TGFBR1: variants seen among roughly 807,000 people sequenced by gnomAD.
TGFBR1 encodes the protein transforming growth factor beta receptor 1, also known as TGF-beta receptor type-1.
In TGFBR1, 20 loss-of-function variants were observed where a neutral mutation model predicts 55.1. The observed-to-expected ratio is 0.36, with a 90% CI of 0.26 to 0.53. TGFBR1 has a LOEUF of 0.53. TGFBR1 is among the 20% of genes least tolerant of loss of function. The pLI is 0.91. For synonymous variants in TGFBR1, 220 were observed against 214.8 expected (o/e 1.02, Z -0.21); for missense variants, 385 against 617.6 (o/e 0.62, Z 3.99).
At chr9:99,122,409 G>A (rs1239228524) in intron 1 of TGFBR1, among the ~76,000 whole-genome samples, 1 of 152,016 alleles carries the variant, frequency 6.6e-6, no homozygotes. Flanking sequence ...GGTAGCCCTG[G>A]CATTAGATAG....
In TGFBR1 at chr9:99,138,094, G is replaced by A. The variant is rs1827498156; in HGVS notation, c.805+5G>A. On this transcript the variant is annotated splice_donor_5th_base_variant and intron_variant, in intron 4 of 8. Transcript: ENST00000374994. ...TTATAGCAGCAGACAATAAAGGTCT[G>A]TAACATTTGCTTTTCCTTATGTTAT... 6.2e-7 allele frequency: 1 copy of A among 1,611,686 alleles called. No homozygotes were observed.
intron 4 of TGFBR1, among the ~76,000 whole-genome samples, chr9:99,140,055 T>C (rs1298713669): frequency 6.6e-6 from 1 of 152,210 alleles, no homozygotes; most frequent in Admixed American, 6.5e-5. Context: ...TTGCATCATA[T>C]GTGGAGGTGT....
chr9:99,127,124 A>C (rs1275619236), intron 1 of TGFBR1, among the ~76,000 whole-genome samples: 1 of 152,176 alleles, frequency 6.6e-6, no homozygotes, highest in Non-Finnish European at 1.5e-5. Flanking sequence ...GCAAAACCAT[A>C]CAGTTAACAT....
chr9:99,134,425 T>C (rs1392685741), intron 3 of TGFBR1, among the ~76,000 whole-genome samples: 1 of 152,070 alleles, frequency 6.6e-6, no homozygotes, highest in Non-Finnish European at 1.5e-5. Flanking sequence ...GGTGTGATAG[T>C]CTTTAGGCAG....
chr9:99,149,138 A>G, intron 8 of TGFBR1, 42 bp from the exon 9 acceptor site: 1 of 1,551,008 alleles, frequency 6.4e-7, no homozygotes, highest in African/African-American at 1.4e-5. Context: ...ACCAATGGAA[A>G]ATGGTGCATG....
chr9:99,136,905 T>G (rs1203504199), intron 3 of TGFBR1, among the ~76,000 whole-genome samples: 1 of 152,134 alleles, frequency 6.6e-6, no homozygotes, highest in Non-Finnish European at 1.5e-5. Flanking sequence ...AGGAACATGA[T>G]GTACACTGGC....
At chr9:99,111,527 G>C (rs1395103932) in intron 1 of TGFBR1, among the ~76,000 whole-genome samples, 1 of 151,962 alleles carries the variant, frequency 6.6e-6, no homozygotes, top group African/African-American at 2.4e-5. Context: ...TGCTTGGGAG[G>C]CTGAGGCAGG....
chr9:99,130,430 A>G (rs1827187290), intron 2 of TGFBR1, among the ~76,000 whole-genome samples: 1 of 152,240 alleles, frequency 6.6e-6, no homozygotes, highest in Non-Finnish European at 1.5e-5. Context: ...GTTCAGCATG[A>G]TAATGCAGCT....
intron 3 of TGFBR1, among the ~76,000 whole-genome samples, chr9:99,136,956 A>T (rs1301556969): frequency 6.6e-6 from 1 of 152,174 alleles, no homozygotes; most frequent in East Asian, 1.9e-4. Context: ...AATGACACTT[A>T]CCGGATGGTG....
intron 2 of TGFBR1, among the ~76,000 whole-genome samples, chr9:99,131,729 G>A (rs1389295009): frequency 6.6e-6 from 1 of 152,136 alleles, no homozygotes; most frequent in Non-Finnish European, 1.5e-5. Context: ...AGCACTTTGG[G>A]AAGCCAAGGT....
rs11568811 is a variant in TGFBR1 at position 99,150,733 on chromosome 9, G to A, written c.*1428G>A. 9.4e-6 allele frequency: 2 copies of A among 213,444 alleles called. No individual in the cohort carries two copies. Among genetic ancestry groups the A allele is most frequent in the Non-Finnish European group, 1.9e-5 (2 of 105,334 alleles). 13.2% of individuals were successfully genotyped at this position (213,444 alleles called of 1,614,324 possible). On this transcript the variant is annotated 3_prime_UTR_variant, in exon 9 of 9. Transcript: ENST00000374994. The stretch of plus-strand genomic sequence containing the variant: ...TTCAGTGCACCCTTGTTACTTGGGA[G>A]AGGTGGTAGCTAAAGAACATTCTGA...
chr9:99,104,881 C>A (rs1042734876), upstream of TGFBR1, among the ~76,000 whole-genome samples: 20 of 152,118 alleles, frequency 1.3e-4, 2 homozygotes, highest in East Asian at 3.7e-3. Context: ...AGCCGGGAGC[C>A]GATCGGGCCG....
chr9:99,146,977 G>A (rs1322770184), intron 7 of TGFBR1, among the ~76,000 whole-genome samples: 1 of 152,062 alleles, frequency 6.6e-6, no homozygotes, highest in Admixed American at 6.6e-5. Context: ...TGAGATTGTG[G>A]TTATTTTCTC....
intron 1 of TGFBR1, among the ~76,000 whole-genome samples, chr9:99,128,337 G>A (rs1385185229): frequency 6.6e-6 from 1 of 152,036 alleles, no homozygotes; most frequent in Non-Finnish European, 1.5e-5. Flanking sequence ...AGAGTGTCTG[G>A]CTCAGTACAA....
chr9:99,129,241 C>A lies in TGFBR1; in HGVS notation c.343+141C>A, dbSNP rs956686934. ...GCAAGAAGTGACTTGTCCATTGTTA[C>A]AGACTTATAAGAGTAACCAAGATCC... On this transcript the variant is annotated intron_variant, in intron 2 of 8. Coordinates refer to ENST00000374994, the MANE Select transcript of TGFBR1 (RefSeq NM_004612.4). The A allele has an allele frequency of 5.0e-6, 5 of 1,007,586 alleles. No homozygotes were observed. The African/African-American group carries it at 6.4e-5, about 13-fold the overall frequency. 62.4% of individuals were successfully genotyped at this position (1,007,586 alleles called of 1,614,324 possible).
Position 99,152,622 on chromosome 9 carries a change from C to G in TGFBR1, c.*3317C>G, listed in dbSNP as rs201113438. The G allele has an allele frequency of 1.3e-5, 3 of 228,244 alleles. No homozygotes were observed. Among genetic ancestry groups the G allele is most frequent in the Non-Finnish European group, 2.6e-5 (3 of 114,886 alleles). The allele number at this position is 228,244 out of a possible 1,614,324, so 14.1% of individuals were successfully genotyped here. The stretch of plus-strand genomic sequence containing the variant: ...TAGAGTGCACAACAAAATCACTATC[C>G]CATTAGACACATCATCAAAAGCTTA... On this transcript the variant is annotated 3_prime_UTR_variant, in exon 9 of 9. Transcript: ENST00000374994.
At chr9:99,114,254 A>C (rs1826665990) in intron 1 of TGFBR1, among the ~76,000 whole-genome samples, 2 of 152,224 alleles carry the variant, frequency 1.3e-5, no homozygotes, top group South Asian at 4.1e-4. Flanking sequence ...CAAAAAGGGA[A>C]AGAAAAAGAG....
intron 4 of TGFBR1, among the ~76,000 whole-genome samples, chr9:99,139,151 T>C (rs1827534613): frequency 6.6e-6 from 1 of 151,880 alleles, no homozygotes; most frequent in South Asian, 2.1e-4. Flanking sequence ...AGCTCCACTC[T>C]TGTCATCCCT....
intron 2 of TGFBR1, among the ~76,000 whole-genome samples, chr9:99,131,044 T>C (rs1827208445): frequency 6.6e-6 from 1 of 152,138 alleles, no homozygotes; most frequent in Non-Finnish European, 1.5e-5. Context: ...ATATGCTTAT[T>C]ATCAGAATTC....
Sources: gnomAD v4.1 joint callset for allele counts (sites outside exome capture counted in the v4.1 genomes callset) on GRCh38, gnomAD v4.1.1 for gene constraint, MANE v1.5 for transcripts, NCBI Gene and HGNC (gene_info 2026-07-23, HGNC 2026-07-21) for gene names.